Variants in GRM5 observed in about 807,000 individuals in gnomAD.
GRM5 encodes the protein metabotropic glutamate receptor 5.
In GRM5, 19 loss-of-function variants were observed where a neutral mutation model predicts 83.1. That is an observed-to-expected ratio of 0.23 (90% CI 0.16 to 0.34). The LOEUF is 0.34. Among genes scored for constraint, GRM5 ranks in the 10% least tolerant of loss-of-function variants. The pLI, the probability that GRM5 is intolerant of heterozygous loss-of-function variation, is 1.00. For missense variants in GRM5, 1,160 were observed against 1,588.3 expected (o/e 0.73, Z 4.58); for synonymous variants, 675 against 633.6 (o/e 1.07, Z -0.98).
At chr11:88,807,403 T>C (rs186302223) in intron 3 of GRM5, among the ~76,000 whole-genome samples, 16 of 152,216 alleles carry the variant, frequency 1.1e-4, no homozygotes, top group African/African-American at 3.1e-4. Context: ...TTTATTTTAT[T>C]TTAGAAAGCT....
chr11:88,704,628 C>T (rs570260460), intron 3 of GRM5, among the ~76,000 whole-genome samples: 1 of 152,218 alleles, frequency 6.6e-6, no homozygotes, highest in South Asian at 2.1e-4. Context: ...GACCCTTTTG[C>T]CCTCTCCATG....
intron 2 of GRM5, among the ~76,000 whole-genome samples, chr11:88,958,744 A>T (rs1488987352): frequency 6.6e-6 from 1 of 152,196 alleles, no homozygotes. Flanking sequence ...TGTGGGCAAT[A>T]TCCACTGGTA....
At chr11:88,790,103 A>T (rs1943146025) in intron 3 of GRM5, among the ~76,000 whole-genome samples, 1 of 152,116 alleles carries the variant, frequency 6.6e-6, no homozygotes. Flanking sequence ...ACTTCAGATG[A>T]TCCACCCTCC....
rs374236867 is a variant in GRM5, at chr11:88,509,394, G to T, written c.2837C>A (p.Thr946Lys). Residue 946 changes from threonine (T) to lysine (K), a missense_variant, in exon 10 of 10, where the codon ACG (threonine) becomes AAG (lysine). By Grantham distance (78) the Thr-to-Lys change is moderately conservative (BLOSUM62 -1). Around this residue, in one of 9 missense-constraint regions of GRM5, gnomAD observed 562 missense variants for 532.4 expected, o/e 1.06. Transcript: ENST00000305447. Reference sequence around the variant, plus strand: ...CTTGGGGAAGGGCTTGATGACGGCCGTTTGGTTGGGGTTTTCTTTCTTGTT... The same window carrying T: ...CTTGGGGAAGGGCTTGATGACGGCCTTTTGGTTGGGGTTTTCTTTCTTGTT... ...HINKKENPNQ[T>K]AVIKPFPKST... 5.7e-5 allele frequency: 92 copies of T among 1,612,702 alleles called. No homozygotes were observed. The highest frequency in any genetic ancestry group is 7.5e-5 in the Non-Finnish European group (89 of 1,179,926).
chr11:88,951,144 G>GAGGT (rs1343643382), intron 2 of GRM5, among the ~76,000 whole-genome samples: 5 of 152,140 alleles, frequency 3.3e-5, no homozygotes, highest in Non-Finnish European at 7.4e-5. Context: ...GCAATGAACA[G>GAGGT]AGGTCTATGT....
intron 2 of GRM5, among the ~76,000 whole-genome samples, chr11:88,864,377 A>G (rs1944622862): frequency 6.6e-6 from 1 of 151,880 alleles, no homozygotes; most frequent in East Asian, 1.9e-4. Flanking sequence ...TATTACAATG[A>G]CAGAGTTTAA....
chr11:88,798,208 TTCAA>T (rs1371075899), intron 3 of GRM5, among the ~76,000 whole-genome samples: 9 of 152,230 alleles, frequency 5.9e-5, no homozygotes, highest in Admixed American at 1.3e-4. Flanking sequence ...TAGCTTTGAT[TTCAA>T]TCAATGTTAT....
At chr11:88,995,416 G>T (rs758602846) in intron 2 of GRM5, among the ~76,000 whole-genome samples, 1 of 151,552 alleles carries the variant, frequency 6.6e-6, no homozygotes, top group Non-Finnish European at 1.5e-5. Context: ...GTGTTTGCAG[G>T]CACCTGTAGT....
At chr11:88,631,016 G>C (rs2135271695) in intron 4 of GRM5, among the ~76,000 whole-genome samples, 1 of 152,268 alleles carries the variant, frequency 6.6e-6, no homozygotes, top group Admixed American at 6.5e-5. Flanking sequence ...ATCTGGACTA[G>C]GTGTCAGTTC....
At chr11:88,608,670 C>G (rs1216609007) in intron 4 of GRM5, among the ~76,000 whole-genome samples, 1 of 151,888 alleles carries the variant, frequency 6.6e-6, no homozygotes, top group Non-Finnish European at 1.5e-5. Context: ...AGGAACCTGC[C>G]ACCATGCCCG....
chr11:88,695,798 C>T (rs756522516), intron 3 of GRM5, among the ~76,000 whole-genome samples: 1 of 152,164 alleles, frequency 6.6e-6, no homozygotes, highest in Non-Finnish European at 1.5e-5. Context: ...CCATGCTCTG[C>T]TGCTAGAAGC....
At chr11:88,901,090 T>G (rs1217125638) in intron 2 of GRM5, among the ~76,000 whole-genome samples, 3 of 152,130 alleles carry the variant, frequency 2.0e-5, no homozygotes, top group Admixed American at 1.3e-4. Context: ...AACTTAAACA[T>G]ATTACCTGAC....
intron 2 of GRM5, among the ~76,000 whole-genome samples, chr11:88,913,864 G>C (rs1945546104): frequency 6.6e-6 from 1 of 152,074 alleles, no homozygotes; most frequent in Non-Finnish European, 1.5e-5. Flanking sequence ...TAGAATTACA[G>C]GTGTGAGCCA....
intron 4 of GRM5, among the ~76,000 whole-genome samples, chr11:88,617,083 A>G (rs552843923): frequency 6.6e-6 from 1 of 152,368 alleles, no homozygotes; most frequent in East Asian, 1.9e-4. Flanking sequence ...AGTTTACCAG[A>G]CAGAAAGCAT....
intron 2 of GRM5, among the ~76,000 whole-genome samples, chr11:88,881,867 A>G (rs1464997475): frequency 7.6e-6 from 1 of 131,584 alleles, no homozygotes; most frequent in Non-Finnish European, 1.6e-5. Context: ...GAAAGAATCC[A>G]ATGGCATAAT....
chr11:88,827,245 C>A (rs1943908449), intron 3 of GRM5, among the ~76,000 whole-genome samples: 1 of 152,116 alleles, frequency 6.6e-6, no homozygotes, highest in Admixed American at 6.5e-5. Flanking sequence ...AATTGCATCA[C>A]CCTCACCTAC....
intron 3 of GRM5, among the ~76,000 whole-genome samples, chr11:88,708,232 T>C (rs1427017975): frequency 2.0e-5 from 3 of 152,056 alleles, no homozygotes; most frequent in Non-Finnish European, 4.4e-5. Context: ...TCCCCTTTTA[T>C]TGCAAAAATA....
intron 8 of GRM5, among the ~76,000 whole-genome samples, chr11:88,549,727 A>C (rs1942462038): frequency 1.3e-5 from 2 of 152,076 alleles, no homozygotes; most frequent in Non-Finnish European, 2.9e-5. Context: ...CAAGGTTGGG[A>C]AGGCCAAGTC....
At chr11:88,708,900 A>G (rs1941221063) in intron 3 of GRM5, among the ~76,000 whole-genome samples, 1 of 152,146 alleles carries the variant, frequency 6.6e-6, no homozygotes, top group South Asian at 2.1e-4. Flanking sequence ...TGTGGTAGGA[A>G]CTAAGTTACA....
Sources: allele counts gnomAD v4.1 joint callset (sites outside exome capture counted in the v4.1 genomes callset), GRCh38; gene constraint gnomAD v4.1.1; regional missense constraint gnomAD v4.1.1; transcripts MANE v1.5; gene names NCBI Gene and HGNC (gene_info 2026-07-23, HGNC 2026-07-21).